Variants in ZBTB46 observed in about 807,000 individuals in gnomAD.
ZBTB46 encodes zinc finger and BTB domain-containing protein 46.
In ZBTB46, 8 loss-of-function variants were observed where a neutral mutation model predicts 44.1. That is an observed-to-expected ratio of 0.18 (90% confidence interval 0.11 to 0.33). The LOEUF is 0.33. Among genes scored for constraint, ZBTB46 ranks in the 10% least tolerant of loss-of-function variants. ZBTB46 has a pLI of 1.00. For missense variants in ZBTB46, 651 were observed against 847.7 expected, an observed-to-expected ratio of 0.77 and a Z score of 2.88; for synonymous variants, 409 against 382.3, an observed-to-expected ratio of 1.07 and a Z score of -0.81.
At chr20:63,786,703 G>A (rs1389594941) in intron 2 of ZBTB46, among the ~76,000 whole-genome samples, 1 of 152,082 alleles carries the variant, frequency 6.6e-6, no homozygotes, top group African/African-American at 2.4e-5. Context: ...GTAGAGACGG[G>A]GTTTCACCAT....
At chr20:63,832,470 G>A (rs1205216654), upstream of ZBTB46, among the ~76,000 whole-genome samples, 2 of 152,218 alleles carry the variant, frequency 1.3e-5, no homozygotes, top group Admixed American at 6.5e-5. The surrounding 1 kb of genome is among the most constrained non-coding windows in gnomAD (Gnocchi z 5.0). Flanking sequence ...GGTGGGAGGC[G>A]GCGGCCCTAT....
intron 3 of ZBTB46, chr20:63,769,307 T>C (rs2092347211): frequency 1.0e-6 from 1 of 985,304 alleles, no homozygotes; most frequent in African/African-American, 1.7e-5. Flanking sequence ...TCCCCAGAGC[T>C]CATCCTGTGG....
At chr20:63,802,638 G>A (rs1332469748) in intron 1 of ZBTB46, among the ~76,000 whole-genome samples, 2 of 130,664 alleles carry the variant, frequency 1.5e-5, no homozygotes, top group African/African-American at 5.8e-5. Flanking sequence ...CAGGAACCGC[G>A]GTGGGCCGAC....
chr20:63,833,350 G>C (rs1162391180), upstream of ZBTB46, among the ~76,000 whole-genome samples: 3 of 152,344 alleles, frequency 2.0e-5, no homozygotes, highest in African/African-American at 4.8e-5. Flanking sequence ...CCAGCACTTT[G>C]GGAGGCCGAG....
At chr20:63,774,487 G>A (rs188797216) in intron 3 of ZBTB46, among the ~76,000 whole-genome samples, 17 of 152,112 alleles carry the variant, frequency 1.1e-4, no homozygotes, top group East Asian at 5.8e-4. Flanking sequence ...CACTCAGCAC[G>A]CCTGGACCCC....
rs769312528 is a variant in ZBTB46, at chr20:63,747,089, G to T, written c.1611C>A (p.Asp537Glu). ...CCGCCTCCCCTCGTGGGTCCTCAGGGTCCTCCAGATAGGGCCCGTCGCCTG... is the reference window on the plus strand; with the variant it reads ...CCGCCTCCCCTCGTGGGTCCTCAGGTTCCTCCAGATAGGGCCCGTCGCCTG... ...LFPGDGPYLE[D>E]PEDPRGEAEE... Residue 537 changes from aspartate to glutamate, a missense_variant, in exon 5 of 5, where the codon GAC becomes GAA. This residue lies in a region of ZBTB46 where 106 missense variants were observed against 81.0 expected (regional missense o/e 1.31). Coordinates refer to ENST00000245663, the MANE Select transcript of ZBTB46 (RefSeq NM_001369741.1). 7 of 1,609,492 alleles carry T rather than the reference G, an allele frequency of 4.3e-6. No homozygotes were observed. The highest frequency in any genetic ancestry group is 5.9e-6 in the Non-Finnish European group (7 of 1,179,506).
intron 1 of ZBTB46, among the ~76,000 whole-genome samples, chr20:63,821,593 C>T (rs1469296062): frequency 2.6e-5 from 4 of 152,118 alleles, no homozygotes; most frequent in Admixed American, 2.6e-4. Flanking sequence ...GTGTGTGCCA[C>T]CACGCACAGC....
At chr20:63,795,928 C>G (rs1308069757) in intron 1 of ZBTB46, among the ~76,000 whole-genome samples, 1 of 152,158 alleles carries the variant, frequency 6.6e-6, no homozygotes, top group Non-Finnish European at 1.5e-5. Context: ...TGACGGGTGT[C>G]CATCATTGAG....
At chr20:63,801,876 G>T (rs149794835) in intron 1 of ZBTB46, among the ~76,000 whole-genome samples, 2 of 152,184 alleles carry the variant, frequency 1.3e-5, no homozygotes, top group Non-Finnish European at 2.9e-5. Context: ...CCAAGAGTTC[G>T]AGCTCATCAG....
chr20:63,826,108 C>T (rs193193739), intron 1 of ZBTB46, among the ~76,000 whole-genome samples: 2 of 152,222 alleles, frequency 1.3e-5, no homozygotes, highest in Non-Finnish European at 2.9e-5. Flanking sequence ...GATATGCCAG[C>T]GAATGGGAAG....
chr20:63,808,354 A>T (rs889761414), intron 1 of ZBTB46, among the ~76,000 whole-genome samples: 2 of 152,100 alleles, frequency 1.3e-5, no homozygotes, highest in Non-Finnish European at 2.9e-5. Flanking sequence ...AGCGCAGGGG[A>T]GGGCCCGGAA....
rs1028178908 is a variant in ZBTB46 at position 63,744,765 on chromosome 20, C to G, written c.*2165G>C. The G allele has an allele frequency of 2.6e-5, 4 of 152,354 alleles. No individual in the cohort carries two copies. The highest frequency in any genetic ancestry group is 9.7e-5 in the African/African-American group (4 of 41,440). 9.4% of individuals were successfully genotyped at this position (152,354 alleles called of 1,614,324 possible). A position where few individuals can be genotyped will look rare whatever the true frequency, so the allele number is the denominator to read the frequency against. On this transcript the variant is annotated 3_prime_UTR_variant, in exon 5 of 5. Coordinates refer to ENST00000245663, the MANE Select transcript of ZBTB46 (RefSeq NM_001369741.1). ...ACTGTTGGTTTTAGGGAAGAAAATG[C>G]CCCTGTAGCTCCGGCGGGGAACCCC...
chr20:63,760,060 A>G (rs925513014), intron 3 of ZBTB46, among the ~76,000 whole-genome samples: 2 of 152,292 alleles, frequency 1.3e-5, no homozygotes, highest in Admixed American at 1.3e-4. Flanking sequence ...TAATAGTTGC[A>G]CATCTCTGCT....
intron 3 of ZBTB46, among the ~76,000 whole-genome samples, chr20:63,765,061 G>A (rs117795914): frequency 0.025 from 3,215 of 128,082 alleles, 53 homozygotes; most frequent in Middle Eastern, 0.036. Context: ...GTGTATGTTT[G>A]TATGTGCATG....
intron 2 of ZBTB46, among the ~76,000 whole-genome samples, chr20:63,779,404 TA>T (rs2092450890): frequency 4.7e-5 from 5 of 106,772 alleles, no homozygotes; most frequent in African/African-American, 1.8e-4. Context: ...CCACGCCGGC[TA>T]ATTTTTTTTT....
chr20:63,785,853 C>T (rs897826019), intron 2 of ZBTB46, among the ~76,000 whole-genome samples: 1 of 152,228 alleles, frequency 6.6e-6, no homozygotes, highest in African/African-American at 2.4e-5. Context: ...AAGAGTTTCA[C>T]AGTTGCCTTG....
Position 63,790,156 on chromosome 20 carries a change from T to C in ZBTB46, c.602A>G (p.Gln201Arg), listed in dbSNP as rs1444611112. The C allele has an allele frequency of 6.2e-7, 1 of 1,613,826 alleles. No homozygotes were observed. Among genetic ancestry groups the C allele is most frequent in the Non-Finnish European group, 8.5e-7 (1 of 1,180,040 alleles). ...ATCAGGGCCATCGGCCTTGGGCTCC[T>C]GATCCTCTTTCCCGTAGCTGCTCCC... ...DGGSSYGKED[Q>R]EPKADGPDDV... Residue 201 changes from glutamine (Q) to arginine (R), a missense_variant, in exon 2 of 5, where the codon CAG becomes CGG. This residue lies in a region of ZBTB46 where 385 missense variants were observed against 423.3 expected (regional missense o/e 0.91). Transcript: ENST00000245663.
At chr20:63,758,734 CTTTTT>C (rs34323440) in intron 3 of ZBTB46, among the ~76,000 whole-genome samples, 3 of 135,018 alleles carry the variant, frequency 2.2e-5, no homozygotes, top group African/African-American at 2.7e-5. Flanking sequence ...AGAGTCACAT[CTTTTT>C]TTTTTTTTTT....
intron 2 of ZBTB46, 100 bp downstream of exon 2, chr20:63,789,721 G>A: frequency 6.7e-7 from 1 of 1,503,300 alleles, no homozygotes; most frequent in Admixed American, 2.1e-5. Flanking sequence ...AAAGCCACCA[G>A]TGTGAGCCTG....
Sources: gnomAD v4.1 joint callset for allele counts (sites outside exome capture counted in the v4.1 genomes callset) on GRCh38, gnomAD v4.1.1 for gene constraint, gnomAD v4.1.1 regional missense constraint, Gnocchi (gnomAD v3.1) non-coding constraint, MANE v1.5 for transcripts, NCBI Gene and HGNC (gene_info 2026-07-23, HGNC 2026-07-21) for gene names.